RAPGEF4: variants seen among roughly 807,000 people sequenced by gnomAD.
The protein encoded by RAPGEF4 is Rap guanine nucleotide exchange factor 4.
RAPGEF4 carries 66 observed loss-of-function variants against 147.9 expected under a neutral mutation model. The ratio of observed to expected loss-of-function variants is 0.45; its 90% CI spans 0.37 to 0.55. The LOEUF (loss-of-function observed/expected upper bound fraction) is 0.55. Ranked by LOEUF, RAPGEF4 falls within the 20% of genes least tolerant of loss-of-function variation. RAPGEF4 has a pLI of 0.00. For missense variants in RAPGEF4, 1,071 were observed against 1,257.3 expected, an observed-to-expected ratio of 0.85 and a Z score of 2.24; for synonymous variants, 419 against 442.7, an observed-to-expected ratio of 0.95 and a Z score of 0.67.
rs1002008677 is a variant in RAPGEF4, at chr2:172,810,920, T to A, written c.298-3359T>A. On this transcript the variant is annotated intron_variant, in intron 3 of 30. Transcript: ENST00000397081. ...CCAGAAGCAGACCTGGAGAAAAGGA[T>A]TTGGCTACAAGTGGTTTTTTAGAGA... 4.6e-5 allele frequency among the ~76,000 whole-genome samples: 7 copies of A among 152,154 alleles called. 1 individual carries two copies. The highest frequency in any genetic ancestry group is 4.6e-4 in the Admixed American group (7 of 15,266).
intron 4 of RAPGEF4, chr2:172,814,699 AT>A (rs3834118): frequency 0.11 from 48,127 of 423,050 alleles, 3,071 homozygotes; most frequent in South Asian, 0.17. Context: ...TGTTTTATGT[AT>A]TTTCTCCCTT....
chr2:172,836,715 A>C (rs1323925784), intron 4 of RAPGEF4, among the ~76,000 whole-genome samples: 1 of 152,202 alleles, frequency 6.6e-6, no homozygotes, highest in Admixed American at 6.5e-5. Context: ...CATCCCATCC[A>C]GGTAAAGCCA....
chr2:172,939,749 TTG>T (rs988577144), intron 6 of RAPGEF4, among the ~76,000 whole-genome samples: 2 of 152,236 alleles, frequency 1.3e-5, no homozygotes, highest in African/African-American at 4.8e-5. Context: ...TTTTATAGTT[TTG>T]TGTTTTACAT....
At chr2:172,762,977 T>C (rs1164058540) in intron 1 of RAPGEF4, among the ~76,000 whole-genome samples, 1 of 152,238 alleles carries the variant, frequency 6.6e-6, no homozygotes, top group African/African-American at 2.4e-5. Context: ...ATGTTAGTGA[T>C]GCCTTCTAGT....
chr2:172,839,898 C>A (rs1451809156), intron 4 of RAPGEF4, among the ~76,000 whole-genome samples: 6 of 152,112 alleles, frequency 3.9e-5, no homozygotes, highest in Non-Finnish European at 8.8e-5. Context: ...AGAGGTAAGT[C>A]ATATGCATAT....
upstream of RAPGEF4, chr2:172,735,564 C>T (rs114192724): frequency 0.092 from 13,992 of 152,376 alleles, 693 homozygotes; most frequent in South Asian, 0.15. Context: ...CGCCTGCCCT[C>T]CCGCCCCGCC....
At chr2:173,024,810 G>A (rs1696502353) in intron 23 of RAPGEF4, among the ~76,000 whole-genome samples, 1 of 152,160 alleles carries the variant, frequency 6.6e-6, no homozygotes, top group South Asian at 2.1e-4. Context: ...CTCCTAATCT[G>A]GTACACGAAG....
chr2:172,782,521 C>T (rs533863426), intron 1 of RAPGEF4, among the ~76,000 whole-genome samples: 15 of 152,330 alleles, frequency 9.8e-5, no homozygotes, highest in South Asian at 2.1e-4. Flanking sequence ...CAAAGCCCTC[C>T]GTGGGCTCTC....
chr2:172,963,032 G>C (rs748445380), intron 8 of RAPGEF4, among the ~76,000 whole-genome samples: 25 of 152,152 alleles, frequency 1.6e-4, no homozygotes, highest in Non-Finnish European at 3.4e-4. Context: ...AATCATGGCA[G>C]AGGGCAAAGG....
At chr2:172,858,881 G>A (rs944033771) in intron 4 of RAPGEF4, among the ~76,000 whole-genome samples, 1 of 152,122 alleles carries the variant, frequency 6.6e-6, no homozygotes, top group East Asian at 1.9e-4. Flanking sequence ...GTTTGAGATT[G>A]CCTTTTTCTG....
intron 1 of RAPGEF4, among the ~76,000 whole-genome samples, chr2:172,756,356 C>T (rs998043731): frequency 8.5e-5 from 13 of 152,212 alleles, no homozygotes; most frequent in African/African-American, 2.9e-4. Flanking sequence ...CTTTGCGCAT[C>T]GCTTTGGATA....
rs753921904 is a variant in RAPGEF4, at chr2:172,814,517, G to A, written c.444+92G>A. ...AATGGCATTACAGTCAAGCCTTAATGTGTTCTGTTCTGAGCTGGTAGATGG... is the reference window on the plus strand; with the variant it reads ...AATGGCATTACAGTCAAGCCTTAATATGTTCTGTTCTGAGCTGGTAGATGG... On this transcript the variant is annotated intron_variant, in intron 4 of 30. Transcript: ENST00000397081. 5.5e-6 allele frequency: 8 copies of A among 1,459,792 alleles called. No homozygotes were observed. The African/African-American group carries it at 8.3e-5, about 15-fold the overall frequency. The allele number at this position is 1,459,792 out of a possible 1,614,324, so 90.4% of individuals were successfully genotyped here.
At chr2:172,996,111 C>A (rs901744586) in intron 15 of RAPGEF4, among the ~76,000 whole-genome samples, 1 of 152,170 alleles carries the variant, frequency 6.6e-6, no homozygotes, top group Non-Finnish European at 1.5e-5. Context: ...CCAGCTCCCC[C>A]TGCCTGACCT....
At chr2:172,874,603 T>C (rs950698314) in intron 4 of RAPGEF4, among the ~76,000 whole-genome samples, 1 of 152,222 alleles carries the variant, frequency 6.6e-6, no homozygotes, top group African/African-American at 2.4e-5. Context: ...CTATATAGTA[T>C]TCCATGGTGT....
At chr2:172,890,276 A>G (rs561685075) in intron 4 of RAPGEF4, among the ~76,000 whole-genome samples, 1 of 152,316 alleles carries the variant, frequency 6.6e-6, no homozygotes, top group East Asian at 1.9e-4. Flanking sequence ...CAGGACTTTG[A>G]TGACTGGCGA....
chr2:172,970,669 A>G (rs1325753185), intron 10 of RAPGEF4, among the ~76,000 whole-genome samples: 1 of 152,130 alleles, frequency 6.6e-6, no homozygotes, highest in Admixed American at 6.5e-5. Flanking sequence ...TTGACAGGCT[A>G]CTTAGAAAAA....
chr2:172,944,929 A>G (rs1289960324), intron 6 of RAPGEF4, among the ~76,000 whole-genome samples: 2 of 152,172 alleles, frequency 1.3e-5, no homozygotes, highest in Non-Finnish European at 2.9e-5. Context: ...TAGAAATGCC[A>G]GGTTTCTAAA....
chr2:172,797,011 G>A (rs960645979), intron 2 of RAPGEF4, among the ~76,000 whole-genome samples: 1 of 152,094 alleles, frequency 6.6e-6, no homozygotes, highest in African/African-American at 2.4e-5. Context: ...GCAAGATCAG[G>A]TTCAAAAATT....
At chr2:172,750,645 C>A (rs1279172691) in intron 1 of RAPGEF4, among the ~76,000 whole-genome samples, 19 of 152,180 alleles carry the variant, frequency 1.2e-4, no homozygotes, top group Admixed American at 1.2e-3. Context: ...CTCAATGACA[C>A]TTGTTATTTT....
Sources: allele counts gnomAD v4.1 joint callset (sites outside exome capture counted in the v4.1 genomes callset), GRCh38; gene constraint gnomAD v4.1.1; transcripts MANE v1.5; gene names NCBI Gene and HGNC (gene_info 2026-07-23, HGNC 2026-07-21).